LITAF: variants seen among roughly 807,000 people sequenced by gnomAD.
LITAF encodes the protein lipopolysaccharide induced TNF factor, also known as lipopolysaccharide-induced tumor necrosis factor-alpha factor.
Under a neutral mutation model 14.5 loss-of-function variants are expected in LITAF, and 9 were observed. That is an observed-to-expected ratio of 0.62 (90% CI 0.37 to 1.08). The LOEUF (loss-of-function observed/expected upper bound fraction) is 1.08. Ranked by LOEUF, LITAF falls within the 50% of genes least tolerant of loss-of-function variation. The pLI is 0.01. For missense variants in LITAF, 206 were observed against 213.4 expected, an observed-to-expected ratio of 0.97 and a Z score of 0.22; for synonymous variants, 98 against 88.2, an observed-to-expected ratio of 1.11 and a Z score of -0.62.
Position 11,627,434 on chromosome 16 carries a change from T to A in LITAF, c.85+6099A>T, listed in dbSNP as rs1433971800. On this transcript the variant is annotated intron_variant, in intron 3 of 3. Coordinates refer to the LITAF transcript ENST00000574848. ...CTGGATCCAGCCAGGCCTGAAGCTC[T>A]TGCCCTCCCCACTTCCCAGTGACAC... Among the ~76,000 whole-genome samples the A allele has an allele frequency of 2.6e-5, 4 of 152,212 alleles. No individual in the cohort carries two copies. The East Asian group carries it at 7.7e-4, about 29-fold the overall frequency.
At chr16:11,639,898 C>G (rs1044117024), upstream of LITAF, among the ~76,000 whole-genome samples, 9 of 152,144 alleles carry the variant, frequency 5.9e-5, no homozygotes, top group African/African-American at 1.7e-4. Context: ...TCTCAGCCCC[C>G]CAAGTAGCTG....
rs2065123484 is a variant in LITAF, at chr16:11,632,634, C to T, written c.85+899G>A. 6.6e-6 allele frequency among the ~76,000 whole-genome samples: 1 copy of T among 152,188 alleles called. No individual in the cohort carries two copies. The highest frequency in any genetic ancestry group is 2.4e-5 in the African/African-American group (1 of 41,454). ...CCCATCTGGAGGAAGCCCCACCGAGCCAGAGCCAGGGGAAGAACTGATGGC... is the reference window on the plus strand; with the variant it reads ...CCCATCTGGAGGAAGCCCCACCGAGTCAGAGCCAGGGGAAGAACTGATGGC... On this transcript the variant is annotated intron_variant, in intron 3 of 3. Transcript: ENST00000574848. This position sits in a 1 kb window ranked among gnomAD's most constrained non-coding sequence, Gnocchi z 4.8.
In LITAF at chr16:11,605,790, TA is replaced by T. The variant is rs1487347545; in HGVS notation, c.85+27742del. On this transcript the variant is annotated intron_variant, in intron 3 of 3. Coordinates refer to the LITAF transcript ENST00000574848. This position sits in a 1 kb window ranked among gnomAD's most constrained non-coding sequence, Gnocchi z 4.7. Reference sequence around the variant, plus strand: ...CTAAGAGAAAGAGAAGCAAGAGAGTTACCGTGAGAGCCCCGAGAGCTTCCCA... The same window carrying T: ...CTAAGAGAAAGAGAAGCAAGAGAGTTCCGTGAGAGCCCCGAGAGCTTCCCA... 1.3e-5 allele frequency among the ~76,000 whole-genome samples: 2 copies of T among 151,976 alleles called. No individual in the cohort carries two copies. The highest frequency in any genetic ancestry group is 4.8e-5 in the African/African-American group (2 of 41,376).
intron 3 of LITAF, among the ~76,000 whole-genome samples, chr16:11,552,810 C>G (rs938717482): frequency 6.6e-6 from 1 of 152,066 alleles, no homozygotes; most frequent in Non-Finnish European, 1.5e-5. Context: ...CAGGACACCC[C>G]CTACAATAAA....
chr16:11,638,018 A>C (rs868391669), upstream of LITAF, among the ~76,000 whole-genome samples: 3 of 65,346 alleles, frequency 4.6e-5, no homozygotes, highest in Admixed American at 1.5e-4. Context: ...ATATATCTAT[A>C]TATATCTATA....
chr16:11,566,965 T>C (rs1597343171), intron 1 of LITAF, among the ~76,000 whole-genome samples: 1 of 152,240 alleles, frequency 6.6e-6, no homozygotes, highest in African/African-American at 2.4e-5. Flanking sequence ...CGAGGATTTA[T>C]GGTGCAGATG....
At chr16:11,617,101 T>C (rs1297576333) in intron 3 of LITAF, among the ~76,000 whole-genome samples, 1 of 151,798 alleles carries the variant, frequency 6.6e-6, no homozygotes, top group Non-Finnish European at 1.5e-5. Context: ...AAGCCTGTGG[T>C]CCCAGCTACT....
chr16:11,553,772 A>G lies in LITAF; in HGVS notation c.221-83T>C. The G allele has an allele frequency of 1.4e-6, 2 of 1,448,532 alleles. No homozygotes were observed. The highest frequency in any genetic ancestry group is 1.9e-6 in the Non-Finnish European group (2 of 1,037,308). The allele number at this position is 1,448,532 out of a possible 1,614,324, so 89.7% of individuals were successfully genotyped here. The stretch of plus-strand genomic sequence containing the variant: ...CACTACAGGACAAAGAGAGGAACGC[A>G]GGGATGCCAGCAAATATTATATTTG... On this transcript the variant is annotated intron_variant, in intron 2 of 3. Coordinates refer to ENST00000622633, the MANE Select transcript of LITAF (RefSeq NM_001136472.2). This position sits in a 1 kb window ranked among gnomAD's most constrained non-coding sequence, Gnocchi z 7.7.
chr16:11,600,435 T>TGCCTAGG (rs2064919901), upstream of LITAF, among the ~76,000 whole-genome samples: 1 of 152,198 alleles, frequency 6.6e-6, no homozygotes, highest in African/African-American at 2.4e-5. The surrounding 1 kb of genome is among the most constrained non-coding windows in gnomAD (Gnocchi z 4.1). Context: ...GGCAGCCAAA[T>TGCCTAGG]GCCTAGGCAG....
upstream of LITAF, among the ~76,000 whole-genome samples, chr16:11,599,555 C>T (rs1365235448): frequency 6.6e-6 from 1 of 152,084 alleles, no homozygotes; most frequent in Non-Finnish European, 1.5e-5. Flanking sequence ...GCCACAGCTT[C>T]GTGATAAGAA....
At chr16:11,638,679 C>T (rs945688551), upstream of LITAF, among the ~76,000 whole-genome samples, 27 of 126,940 alleles carry the variant, frequency 2.1e-4, no homozygotes, top group African/African-American at 7.5e-4. Flanking sequence ...CCAGCCTGGG[C>T]CGACAGAGCA....
intron 1 of LITAF, among the ~76,000 whole-genome samples, chr16:11,597,054 G>A (rs2064893799): frequency 6.6e-6 from 1 of 152,148 alleles, no homozygotes; most frequent in African/African-American, 2.4e-5. Context: ...CACCAGGTCT[G>A]GCTGATTCGT....
chr16:11,550,234 C>T (rs1209385121), intron 3 of LITAF, among the ~76,000 whole-genome samples: 9 of 152,150 alleles, frequency 5.9e-5, no homozygotes, highest in African/African-American at 1.4e-4. Flanking sequence ...GGATTGCAGG[C>T]GCATGCCACC....
chr16:11,622,718 G>A (rs2065058652), intron 3 of LITAF, among the ~76,000 whole-genome samples: 1 of 152,050 alleles, frequency 6.6e-6, no homozygotes, highest in Non-Finnish European at 1.5e-5. Context: ...GTGGTGATGT[G>A]AAATTTCAGT....
At chr16:11,604,669 A>G (rs1858057104) in intron 3 of LITAF, among the ~76,000 whole-genome samples, 1 of 147,478 alleles carries the variant, frequency 6.8e-6, no homozygotes, top group Non-Finnish European at 1.5e-5. Context: ...AAAAAAAAGA[A>G]TCTACTAGGT....
chr16:11,638,114 C>CTATATAGATAGATA (rs2065150309), upstream of LITAF, among the ~76,000 whole-genome samples: 1 of 61,372 alleles, frequency 1.6e-5, no homozygotes, highest in Non-Finnish European at 2.8e-5. Flanking sequence ...ATATATCTAT[C>CTATATAGATAGATA]TATATAGATA....
Position 11,616,745 on chromosome 16 carries a change from T to C in LITAF, c.85+16788A>G, listed in dbSNP as rs931118618. On this transcript the variant is annotated intron_variant, in intron 3 of 3. Coordinates refer to the LITAF transcript ENST00000574848. ...GGGCAACATAGGAAGACCCCATCTC[T>C]ACAAAAATTCTTAAAAATTTACCGG... Among the ~76,000 whole-genome samples the C allele has an allele frequency of 5.9e-5, 9 of 151,794 alleles. No homozygotes were observed. In the South Asian group the frequency reaches 1.0e-3, roughly 18 times the overall value.
chr16:11,624,216 C>G (rs1036547635), intron 3 of LITAF, among the ~76,000 whole-genome samples: 1 of 152,162 alleles, frequency 6.6e-6, no homozygotes, highest in African/African-American at 2.4e-5. Context: ...GTAGGCCTTT[C>G]CCTCAGAGGG....
At chr16:11,595,892 T>C (rs890319539) in intron 1 of LITAF, among the ~76,000 whole-genome samples, 1 of 152,218 alleles carries the variant, frequency 6.6e-6, no homozygotes. Context: ...GACATACTTA[T>C]ACTAAACAAT....
Sources: allele counts gnomAD v4.1 joint callset (sites outside exome capture counted in the v4.1 genomes callset), GRCh38; gene constraint gnomAD v4.1.1; non-coding constraint Gnocchi (gnomAD v3.1); transcripts MANE v1.5; gene names NCBI Gene and HGNC (gene_info 2026-07-23, HGNC 2026-07-21).